The following CSMD1 variants were observed in gnomAD, a reference collection of about 807,000 sequenced individuals.
CSMD1 encodes CUB and sushi domain-containing protein 1.
In CSMD1, 213 loss-of-function variants were observed where a neutral mutation model predicts 417.5. That is an observed-to-expected ratio of 0.51 (90% CI 0.46 to 0.57). The LOEUF is 0.57. CSMD1 is among the 20% of genes least tolerant of loss of function. The pLI is 0.00. For missense variants in CSMD1, 6,923 were observed against 4,529.7 expected, an observed-to-expected ratio of 1.53 and a Z score of -15.17; for synonymous variants, 2,862 against 1,736.8, an observed-to-expected ratio of 1.65 and a Z score of -16.11.
In CSMD1 at chr8:3,015,957, G is replaced by C. The variant is rs185460794; in HGVS notation, c.8029+2520C>G. Among the ~76,000 whole-genome samples the C allele has an allele frequency of 3.4e-4, 52 of 152,232 alleles. 1 individual carries two copies. The highest frequency in any genetic ancestry group is 2.9e-3 in the Admixed American group (44 of 15,290). ...TGCGCCTCCAGAGGGGACTAATCCA[G>C]GTTCCAGAGCTCATTTCACTTCTAG... is the stretch of plus-strand genomic sequence containing the variant. On this transcript the variant is annotated intron_variant, in intron 52 of 69. Coordinates refer to ENST00000635120, the MANE Select transcript of CSMD1 (RefSeq NM_033225.6).
chr8:3,551,580 A>ATATATATATT (rs1798913329), intron 10 of CSMD1, among the ~76,000 whole-genome samples: 2 of 104,350 alleles, frequency 1.9e-5, no homozygotes, highest in Non-Finnish European at 4.0e-5. Context: ...ATAAATATGT[A>ATATATATATT]TATATATATA....
chr8:4,869,951 T>C (rs924517323), intron 1 of CSMD1, among the ~76,000 whole-genome samples: 1 of 152,114 alleles, frequency 6.6e-6, no homozygotes, highest in African/African-American at 2.4e-5. Flanking sequence ...TCTACAATAA[T>C]CTTATAATTG....
At chr8:4,447,449 G>T (rs902725511) in intron 2 of CSMD1, among the ~76,000 whole-genome samples, 2 of 152,178 alleles carry the variant, frequency 1.3e-5, no homozygotes, top group African/African-American at 2.4e-5. Context: ...GGAAGGAGTA[G>T]AATTTATATT....
chr8:4,806,543 T>G (rs1007712987), intron 1 of CSMD1, among the ~76,000 whole-genome samples: 4 of 152,222 alleles, frequency 2.6e-5, no homozygotes, highest in Admixed American at 6.5e-5. Flanking sequence ...ACCGTGCTAC[T>G]AGCATATTAA....
chr8:3,990,470 T>C (rs1814659986), intron 5 of CSMD1, among the ~76,000 whole-genome samples: 1 of 152,190 alleles, frequency 6.6e-6, no homozygotes, highest in African/African-American at 2.4e-5. Flanking sequence ...GGATGTTTTC[T>C]TCTTCTCTGT....
intron 39 of CSMD1, among the ~76,000 whole-genome samples, chr8:3,153,275 T>C (rs754326707): frequency 7.2e-5 from 11 of 152,280 alleles, no homozygotes; most frequent in Non-Finnish European, 1.5e-4. Flanking sequence ...AGGGGAGGCA[T>C]GAATAACCCA....
At chr8:2,992,138 CACAG>C (rs1171079064) in intron 54 of CSMD1, among the ~76,000 whole-genome samples, 5 of 152,148 alleles carry the variant, frequency 3.3e-5, no homozygotes, top group Admixed American at 2.0e-4. Flanking sequence ...TGCATGCACA[CACAG>C]ACACATGCAC....
At chr8:4,089,898 G>C (rs1324633116) in intron 3 of CSMD1, among the ~76,000 whole-genome samples, 1 of 152,088 alleles carries the variant, frequency 6.6e-6, no homozygotes, top group East Asian at 1.9e-4. Flanking sequence ...TGGGGTCAGG[G>C]ACCTGATTGG....
intron 3 of CSMD1, among the ~76,000 whole-genome samples, chr8:4,105,977 C>T (rs553314857): frequency 1.1e-4 from 17 of 152,170 alleles, no homozygotes; most frequent in African/African-American, 3.9e-4. Flanking sequence ...AACTTCACCA[C>T]AGGAAAATGT....
intron 3 of CSMD1, among the ~76,000 whole-genome samples, chr8:4,398,608 G>A (rs948964856): frequency 6.6e-6 from 1 of 151,894 alleles, no homozygotes; most frequent in African/African-American, 2.4e-5. Flanking sequence ...TGTTAGCCAG[G>A]ATTGTCTCGA....
chr8:4,055,954 AAC>A (rs1172379233), intron 3 of CSMD1, among the ~76,000 whole-genome samples: 5 of 152,318 alleles, frequency 3.3e-5, no homozygotes, highest in African/African-American at 4.8e-5. Context: ...CTTAAAATGA[AAC>A]ACACCCTACC....
chr8:3,644,861 T>A (rs6982817), intron 7 of CSMD1, among the ~76,000 whole-genome samples: 17,147 of 151,154 alleles, frequency 0.11, 1,083 homozygotes, highest in African/African-American at 0.16. Context: ...TCCTAAGAGA[T>A]TGCTGTTGGG....
chr8:3,802,447 AAAT>A (rs1359132224), intron 5 of CSMD1, among the ~76,000 whole-genome samples: 3 of 152,126 alleles, frequency 2.0e-5, no homozygotes, highest in African/African-American at 7.2e-5. Context: ...TTTTCTTATT[AAAT>A]TTGTCAGCCT....
At chr8:4,162,536 AT>A (rs1455549500) in intron 3 of CSMD1, among the ~76,000 whole-genome samples, 3 of 152,156 alleles carry the variant, frequency 2.0e-5, no homozygotes, top group African/African-American at 7.2e-5. Flanking sequence ...AAATTTTGAT[AT>A]TTTTAATTTA....
At chr8:3,540,842 G>C (rs540268989) in intron 10 of CSMD1, among the ~76,000 whole-genome samples, 1 of 152,236 alleles carries the variant, frequency 6.6e-6, no homozygotes, top group East Asian at 1.9e-4. Context: ...ATCATTTCAT[G>C]CCAGTCAGAT....
At chr8:4,315,906 T>C (rs925940361) in intron 3 of CSMD1, among the ~76,000 whole-genome samples, 3 of 152,190 alleles carry the variant, frequency 2.0e-5, no homozygotes, top group African/African-American at 7.2e-5. Flanking sequence ...AAGCTAAAGA[T>C]GCACTCAAAT....
intron 3 of CSMD1, among the ~76,000 whole-genome samples, chr8:4,329,436 G>T (rs1345426346): frequency 4.6e-5 from 7 of 151,976 alleles, no homozygotes; most frequent in Non-Finnish European, 1.0e-4. Context: ...CTACAGGCAG[G>T]CGTCAGCACA....
At chr8:4,180,462 G>A (rs1470156223) in intron 3 of CSMD1, among the ~76,000 whole-genome samples, 3 of 150,554 alleles carry the variant, frequency 2.0e-5, no homozygotes, top group South Asian at 2.1e-4. Context: ...AGCATTAGGA[G>A]ATATGCCTAA....
At chr8:4,355,834 G>C (rs1187723937) in intron 3 of CSMD1, among the ~76,000 whole-genome samples, 1 of 152,230 alleles carries the variant, frequency 6.6e-6, no homozygotes, top group Non-Finnish European at 1.5e-5. Flanking sequence ...CTAGATTCCA[G>C]GCCGAAAGTA....
Sources: gnomAD v4.1 joint callset for allele counts (sites outside exome capture counted in the v4.1 genomes callset) on GRCh38, gnomAD v4.1.1 for gene constraint, MANE v1.5 for transcripts, NCBI Gene and HGNC (gene_info 2026-07-23, HGNC 2026-07-21) for gene names.